The following TTC1 variants were observed in gnomAD, a reference collection of about 807,000 sequenced individuals.
TTC1 encodes tetratricopeptide repeat protein 1.
TTC1 carries 31 observed loss-of-function variants against 37.6 expected under a neutral mutation model. The observed-to-expected ratio is 0.82, with a 90% CI of 0.62 to 1.11. TTC1 has a LOEUF of 1.11. TTC1 is among the 50% of genes most tolerant of loss of function. The probability of loss-of-function intolerance (pLI) is 0.00; values close to 1 mark genes in which losing one functional copy is unlikely to be tolerated. For missense variants in TTC1, 351 were observed against 339.0 expected, an observed-to-expected ratio of 1.04 and a Z score of -0.28; for synonymous variants, 127 against 122.4, an observed-to-expected ratio of 1.04 and a Z score of -0.25.
intron 2 of TTC1, among the ~76,000 whole-genome samples, chr5:160,029,698 ATACAAAG>A (rs141889255): frequency 0.012 from 1,878 of 152,312 alleles, 18 homozygotes; most frequent in Non-Finnish European, 0.017. Context: ...AAAGTACAGA[ATACAAAG>A]TACAAAGTAC....
chr5:160,010,373 T>C (rs139460245), intron 1 of TTC1, 127 bp from the exon 2 acceptor site: 26 of 558,430 alleles, frequency 4.7e-5, no homozygotes, highest in East Asian at 3.7e-4. Flanking sequence ...TTTTAAATAA[T>C]GAATTCCAGT....
At chr5:160,037,681 A>G (rs1284087418) in intron 4 of TTC1, among the ~76,000 whole-genome samples, 5 of 152,216 alleles carry the variant, frequency 3.3e-5, no homozygotes, top group African/African-American at 1.2e-4. Flanking sequence ...GGCCTGGGCG[A>G]CAAGAGCAAA....
At chr5:160,044,909 G>T (rs916631135) in intron 5 of TTC1, among the ~76,000 whole-genome samples, 2 of 152,020 alleles carry the variant, frequency 1.3e-5, no homozygotes, top group Admixed American at 6.6e-5. Flanking sequence ...CTCTCTACTG[G>T]CTTTCTTTTC....
At chr5:160,045,369 G>A (rs1221918467) in intron 5 of TTC1, among the ~76,000 whole-genome samples, 1 of 151,064 alleles carries the variant, frequency 6.6e-6, no homozygotes, top group African/African-American at 2.4e-5. Flanking sequence ...TGGTCATTAT[G>A]GATACATGCA....
chr5:160,024,103 TCTGTGCTGTGTACATA>T, intron 2 of TTC1: 1 of 789,506 alleles, frequency 1.3e-6, no homozygotes, highest in South Asian at 1.5e-5. Flanking sequence ...TAGAGCCTTC[TCTGTGCTGTGTACATA>T]GCACAGTGCC....
At chr5:160,035,299 A>G (rs1049055962) in intron 3 of TTC1, 99 bp downstream of exon 3, 2 of 992,172 alleles carry the variant, frequency 2.0e-6, no homozygotes, top group Non-Finnish European at 2.8e-6. Context: ...AGAAACCCCA[A>G]AACCAGACTT....
Position 160,057,566 on chromosome 5 carries a change from G to A in TTC1, c.745+6383G>A, listed in dbSNP as rs768308038. Among the ~76,000 whole-genome samples, 2 of 152,154 alleles carry A rather than the reference G, an allele frequency of 1.3e-5. No homozygotes were observed. The highest frequency in any genetic ancestry group is 2.9e-5 in the Non-Finnish European group (2 of 68,016). On this transcript the variant is annotated intron_variant, in intron 7 of 7. Transcript: ENST00000231238. The surrounding 1 kb of genome is among the most constrained non-coding windows in gnomAD (Gnocchi z 4.4). Reference sequence around the variant, plus strand: ...CAGGTTGGTAGTTGCTAAACATTGGGGTGTCTGTGGCAGTATCTTTAAATA... The same window carrying A: ...CAGGTTGGTAGTTGCTAAACATTGGAGTGTCTGTGGCAGTATCTTTAAATA...
At chr5:160,019,112 T>C (rs952047131) in intron 2 of TTC1, among the ~76,000 whole-genome samples, 2 of 152,224 alleles carry the variant, frequency 1.3e-5, no homozygotes, top group Non-Finnish European at 2.9e-5. Flanking sequence ...TTTCAATGGG[T>C]TTGCTCCCTT....
intron 5 of TTC1, among the ~76,000 whole-genome samples, chr5:160,048,702 C>G (rs138780451): frequency 2.4e-4 from 36 of 152,278 alleles, no homozygotes; most frequent in African/African-American, 8.2e-4. Context: ...AGTCTGCCAC[C>G]AGATTGGTTT....
In TTC1 at chr5:160,065,037, T is replaced by C. The variant is rs757621982; in HGVS notation, c.851T>C (p.Phe284Ser). 6.2e-7 allele frequency: 1 copy of C among 1,612,014 alleles called. No homozygotes were observed. The highest frequency in any genetic ancestry group is 8.5e-7 in the Non-Finnish European group (1 of 1,179,658). ...TCTACCGGCTCGTACTCCATCAATT[T>C]CGTTCAAAATCCAAATAATAACAGA... ...DSSTGSYSINFVQNPNNNR is the reference protein window; with the variant it reads ...DSSTGSYSINSVQNPNNNR The change falls in exon 8 of 8, where the codon TTC (phenylalanine) becomes TCC (serine). Residue 284 changes from phenylalanine (F) to serine (S), a missense_variant. Phe to Ser is a radical substitution (Grantham distance 155). Transcript: ENST00000231238.
intron 2 of TTC1, among the ~76,000 whole-genome samples, chr5:160,030,183 C>T (rs902682212): frequency 2.6e-5 from 4 of 152,124 alleles, no homozygotes; most frequent in African/African-American, 9.7e-5. Context: ...GTGGTTTGTA[C>T]TAGACTTTGA....
chr5:160,028,337 T>G (rs1020309523), intron 2 of TTC1, among the ~76,000 whole-genome samples: 5 of 152,014 alleles, frequency 3.3e-5, no homozygotes, highest in Non-Finnish European at 2.9e-5. Flanking sequence ...CTTTATTTCT[T>G]CAGATATTTG....
At chr5:160,054,559 C>G (rs991986751) in intron 7 of TTC1, among the ~76,000 whole-genome samples, 1 of 150,420 alleles carries the variant, frequency 6.6e-6, no homozygotes, top group Non-Finnish European at 1.5e-5. Flanking sequence ...TGCAGTGTTA[C>G]GATGGTACCA....
rs144488966 is a variant in TTC1 at position 160,029,583 on chromosome 5, G to A, written c.331-5557G>A. ...GGATTGCTTGAGCCCAGGAGGTTGA[G>A]GCTGCAGTGAGCCATGATCTCTTTA... On this transcript the variant is annotated intron_variant, in intron 2 of 7. Coordinates refer to ENST00000231238, the MANE Select transcript of TTC1 (RefSeq NM_003314.3). Among the ~76,000 whole-genome samples, 524 of 152,180 alleles carry A rather than the reference G, an allele frequency of 3.4e-3. 4 individuals are homozygous for A. Among genetic ancestry groups the A allele is most frequent in the African/African-American group, 0.012 (508 of 41,500 alleles).
At chr5:160,044,158 C>A (rs1757157287) in intron 5 of TTC1, among the ~76,000 whole-genome samples, 1 of 152,066 alleles carries the variant, frequency 6.6e-6, no homozygotes, top group South Asian at 2.1e-4. Context: ...ATAATAGTTT[C>A]TGGGACAATT....
rs1581135434 is a variant in TTC1, at chr5:160,064,999, C to G, written c.813C>G (p.Ile271Met). The G allele has an allele frequency of 6.2e-6, 10 of 1,614,052 alleles. No homozygotes were observed. In the East Asian group the frequency reaches 2.0e-4, roughly 32 times the overall value. Residue 271 changes from isoleucine to methionine, a missense_variant, in exon 8 of 8, where the codon ATC becomes ATG. Transcript: ENST00000231238. Reference protein sequence around the residue: ...PFGLSTENFQIKQDSSTGSYS... With the variant: ...PFGLSTENFQMKQDSSTGSYS... Reference sequence around the variant, plus strand: ...GGCTCTCCACGGAAAATTTCCAGATCAAACAGGATTCCTCTACCGGCTCGT... The same window carrying G: ...GGCTCTCCACGGAAAATTTCCAGATGAAACAGGATTCCTCTACCGGCTCGT...
At chr5:160,058,668 C>T (rs1412022478) in intron 7 of TTC1, among the ~76,000 whole-genome samples, 1 of 152,120 alleles carries the variant, frequency 6.6e-6, no homozygotes, top group African/African-American at 2.4e-5. Flanking sequence ...ACCTCAGCCT[C>T]CCAAAGTGCT....
At chr5:160,049,366 GA>G in intron 5 of TTC1, 147 bp from the exon 6 acceptor site, 1 of 671,328 alleles carries the variant, frequency 1.5e-6, no homozygotes, top group Non-Finnish European at 2.3e-6. Context: ...GCTCTTTATA[GA>G]AAAAGTTTTC....
chr5:160,052,292 C>A lies in TTC1; in HGVS notation c.745+1109C>A, dbSNP rs1581119284. On this transcript the variant is annotated intron_variant, in intron 7 of 7. Transcript: ENST00000231238. Reference sequence around the variant, plus strand: ...GCCAAGGTAGGAGGATTGCTTGAGCCCAGGAGTTCAAGGCCAGCCTAGGCA... The same window carrying A: ...GCCAAGGTAGGAGGATTGCTTGAGCACAGGAGTTCAAGGCCAGCCTAGGCA... Among the ~76,000 whole-genome samples, 3 of 151,984 alleles carry A rather than the reference C, an allele frequency of 2.0e-5. No individual in the cohort carries two copies. The East Asian group carries it at 5.8e-4, about 29-fold the overall frequency.
Sources: gnomAD v4.1 joint callset for allele counts (sites outside exome capture counted in the v4.1 genomes callset) on GRCh38, gnomAD v4.1.1 for gene constraint, Gnocchi (gnomAD v3.1) non-coding constraint, MANE v1.5 for transcripts, NCBI Gene and HGNC (gene_info 2026-07-23, HGNC 2026-07-21) for gene names.